The following PLGRKT variants were observed in gnomAD, a reference collection of about 807,000 sequenced individuals.
PLGRKT encodes the protein plasminogen receptor with a C-terminal lysine.
Under a neutral mutation model 18.5 loss-of-function variants are expected in PLGRKT, and 22 were observed. The observed-to-expected ratio is 1.19, with a 90% confidence interval of 0.85 to 1.70. PLGRKT has a LOEUF of 1.70. Among genes scored for constraint, PLGRKT ranks in the 40% most tolerant of loss-of-function variants. The probability of loss-of-function intolerance (pLI) is 0.00; values close to 1 mark genes in which losing one functional copy is unlikely to be tolerated. For missense variants in PLGRKT, 235 were observed against 174.4 expected (o/e 1.35, Z -1.96); for synonymous variants, 72 against 52.8 (o/e 1.36, Z -1.58).
intron 1 of PLGRKT, among the ~76,000 whole-genome samples, chr9:5,437,481 A>G (rs1297453226): frequency 6.6e-6 from 1 of 152,158 alleles, no homozygotes; most frequent in Non-Finnish European, 1.5e-5. Flanking sequence ...GAGGCCAGTT[A>G]CTGTAATTTA....
At chr9:5,371,443 C>G (rs1049075356) in intron 3 of PLGRKT, among the ~76,000 whole-genome samples, 1 of 152,168 alleles carries the variant, frequency 6.6e-6, no homozygotes, top group Non-Finnish European at 1.5e-5. Flanking sequence ...CTCATGACAG[C>G]GAATAACTCT....
At chr9:5,380,668 T>C (rs888148092) in intron 3 of PLGRKT, among the ~76,000 whole-genome samples, 2 of 152,248 alleles carry the variant, frequency 1.3e-5, no homozygotes, top group Non-Finnish European at 2.9e-5. Flanking sequence ...TTTTATCTTT[T>C]TCCCACTTCT....
chr9:5,437,272 G>T (rs1212940807), intron 1 of PLGRKT, among the ~76,000 whole-genome samples: 1 of 152,172 alleles, frequency 6.6e-6, no homozygotes, highest in African/African-American at 2.4e-5. Flanking sequence ...TTAATTGCAT[G>T]AATTCTGTCA....
chr9:5,383,623 G>A (rs1817786302), intron 3 of PLGRKT, among the ~76,000 whole-genome samples: 1 of 152,142 alleles, frequency 6.6e-6, no homozygotes, highest in African/African-American at 2.4e-5. Flanking sequence ...CCCATCTAGG[G>A]GTGATGGGAG....
At chr9:5,424,222 T>C (rs926064097) in intron 3 of PLGRKT, among the ~76,000 whole-genome samples, 2 of 137,910 alleles carry the variant, frequency 1.5e-5, no homozygotes, top group East Asian at 3.9e-4. Context: ...ATATGTAATA[T>C]ATATGTATTT....
intron 3 of PLGRKT, among the ~76,000 whole-genome samples, chr9:5,363,807 C>T (rs965624952): frequency 1.3e-5 from 2 of 152,044 alleles, no homozygotes; most frequent in South Asian, 2.1e-4. Context: ...CCCAAAGAAC[C>T]GAGTTTTAAA....
chr9:5,423,616 T>C (rs1818618218), intron 3 of PLGRKT, among the ~76,000 whole-genome samples: 1 of 152,114 alleles, frequency 6.6e-6, no homozygotes. Flanking sequence ...TCTTTCTTCT[T>C]GAAACACTCT....
At chr9:5,370,391 G>C (rs1817490811) in intron 3 of PLGRKT, among the ~76,000 whole-genome samples, 1 of 152,120 alleles carries the variant, frequency 6.6e-6, no homozygotes, top group Non-Finnish European at 1.5e-5. Context: ...ACAAAACATT[G>C]TATAACACAA....
At position 5,436,560 on chromosome 9, in the gene PLGRKT, T is replaced by C. The variant is rs1159294999; in HGVS notation, c.-7+9A>G. 2 of 152,300 alleles carry C rather than the reference T, an allele frequency of 1.3e-5. No individual in the cohort carries two copies. Among genetic ancestry groups the C allele is most frequent in the Non-Finnish European group, 2.9e-5 (2 of 68,096 alleles). The allele number at this position is 152,300 out of a possible 1,614,324, so 9.4% of individuals were successfully genotyped here. A position where few individuals can be genotyped will look rare whatever the true frequency, so the allele number is the denominator to read the frequency against. On this transcript the variant is annotated intron_variant, in intron 2 of 5. Coordinates refer to ENST00000223864, the MANE Select transcript of PLGRKT (RefSeq NM_018465.4). ...AAACACTGTCTGGGAAGTTAGTATT[T>C]AGATTTACCTCTTTCTGGGCCTTGC...
intron 3 of PLGRKT, among the ~76,000 whole-genome samples, chr9:5,369,106 T>C (rs780822392): frequency 2.0e-5 from 3 of 152,126 alleles, no homozygotes; most frequent in Non-Finnish European, 4.4e-5. Flanking sequence ...AATTGACAAA[T>C]TGGATCTCAT....
At chr9:5,371,986 CTT>C (rs71326158) in intron 3 of PLGRKT, among the ~76,000 whole-genome samples, 2 of 89,106 alleles carry the variant, frequency 2.2e-5, no homozygotes, top group Non-Finnish European at 2.1e-5. Flanking sequence ...TCAGAAAATC[CTT>C]TTTTTTTTTT....
intron 3 of PLGRKT, among the ~76,000 whole-genome samples, chr9:5,364,999 G>C (rs914999876): frequency 5.3e-5 from 8 of 152,112 alleles, no homozygotes; most frequent in African/African-American, 1.9e-4. Context: ...TCATGGCTTA[G>C]TGTAAGTACA....
chr9:5,405,638 C>G (rs534103603), intron 3 of PLGRKT, among the ~76,000 whole-genome samples: 1 of 152,148 alleles, frequency 6.6e-6, no homozygotes, highest in East Asian at 1.9e-4. Flanking sequence ...AATGTAAAAC[C>G]CAGAACTATA....
intron 3 of PLGRKT, among the ~76,000 whole-genome samples, chr9:5,366,632 C>A (rs1817393485): frequency 6.6e-6 from 1 of 152,122 alleles, no homozygotes; most frequent in Non-Finnish European, 1.5e-5. Context: ...AACTCACAGC[C>A]TATGACAACA....
chr9:5,406,557 T>G (rs1459162360), intron 3 of PLGRKT, among the ~76,000 whole-genome samples: 1 of 137,136 alleles, frequency 7.3e-6, no homozygotes, highest in Non-Finnish European at 1.5e-5. Flanking sequence ...AGGTGAACAA[T>G]GAGAACACAT....
At chr9:5,415,318 A>T (rs911680008) in intron 3 of PLGRKT, among the ~76,000 whole-genome samples, 12 of 152,240 alleles carry the variant, frequency 7.9e-5, no homozygotes, top group Non-Finnish European at 1.5e-4. Context: ...AAACATATTC[A>T]TATAAATAAT....
rs1817275618 is a variant in PLGRKT, at chr9:5,361,890, T to A, written c.82-2A>T. 1.2e-6 allele frequency: 2 copies of A among 1,611,540 alleles called. No homozygotes were observed. Among genetic ancestry groups the A allele is most frequent in the African/African-American group, 1.3e-5 (1 of 74,860 alleles). On this transcript the variant is annotated splice_acceptor_variant, in intron 3 of 5. Coordinates refer to ENST00000223864, the MANE Select transcript of PLGRKT (RefSeq NM_018465.4). LOFTEE classifies it high-confidence loss of function. Reference sequence around the variant, plus strand: ...CTGCATGATGAGCTGCCTTTCCAGCTAAGGACAAAACAAAAGACAAAGTAA... The same window carrying A: ...CTGCATGATGAGCTGCCTTTCCAGCAAAGGACAAAACAAAAGACAAAGTAA...
chr9:5,362,095 A>G (rs182581311), intron 3 of PLGRKT, among the ~76,000 whole-genome samples: 260 of 152,364 alleles, frequency 1.7e-3, no homozygotes, highest in African/African-American at 5.7e-3. Context: ...GAATAAATAC[A>G]GAATAAATAT....
At chr9:5,424,580 TTATTA>T (rs1481808564) in intron 3 of PLGRKT, among the ~76,000 whole-genome samples, 4 of 132,710 alleles carry the variant, frequency 3.0e-5, no homozygotes, top group African/African-American at 8.9e-5. Flanking sequence ...TATATATTAC[TTATTA>T]TATTATACAG....
Sources: allele counts gnomAD v4.1 joint callset (sites outside exome capture counted in the v4.1 genomes callset), GRCh38; gene constraint gnomAD v4.1.1; transcripts MANE v1.5; gene names NCBI Gene and HGNC (gene_info 2026-07-23, HGNC 2026-07-21).